MYH3: variants seen among roughly 807,000 people sequenced by gnomAD.
MYH3 encodes the protein myosin heavy chain 3, also known as myosin-3.
In MYH3, 130 loss-of-function variants were observed where a neutral mutation model predicts 238.0. That is an observed-to-expected ratio of 0.55 (90% CI 0.47 to 0.63). MYH3 has a LOEUF of 0.63. Ranked by LOEUF, MYH3 falls within the 30% of genes least tolerant of loss-of-function variation. The probability of loss-of-function intolerance (pLI) is 0.00; values close to 1 mark genes in which losing one functional copy is unlikely to be tolerated. For synonymous variants in MYH3, 880 were observed against 924.1 expected, an observed-to-expected ratio of 0.95 and a Z score of 0.86; for missense variants, 1,853 against 2,374.9, an observed-to-expected ratio of 0.78 and a Z score of 4.57.
chr17:10,647,305 T>C, intron 9 of MYH3, 25 bp from the exon 10 acceptor site: 1 of 1,613,732 alleles, frequency 6.2e-7, no homozygotes, highest in Non-Finnish European at 8.5e-7. Context: ...CAGGACTCTC[T>C]TTCAAACTGT....
chr17:10,657,794 T>C (rs1166123526), upstream of MYH3, among the ~76,000 whole-genome samples: 2 of 152,170 alleles, frequency 1.3e-5, no homozygotes, highest in African/African-American at 2.4e-5. Flanking sequence ...TGGGTTGTGA[T>C]TGCAAAACCT....
At chr17:10,677,148 A>C in the MYH3 span, 1 of 152,190 alleles carries the variant, frequency 6.6e-6, no homozygotes, top group Non-Finnish European at 1.5e-5. Flanking sequence ...TCTACTAAAA[A>C]TACAAAAATT....
Position 10,634,883 on chromosome 17 carries a change from G to C in MYH3, c.4313C>G (p.Ser1438Cys), listed in dbSNP as rs1447420349. ...DLMVDVERAN[S>C]LAAALDKKQR... is the part of the protein sequence containing the mutation. The stretch of plus-strand genomic sequence containing the variant: ...CTTCTTGTCCAGAGCGGCGGCCAAG[G>C]AATTGGCTCTTTCAACATCAACCAT... The change falls in exon 31 of 41, where the codon TCC becomes TGC. Residue 1438 changes from serine (S) to cysteine (C), a missense_variant. By Grantham distance (112) the Ser-to-Cys change is moderately radical. Transcript: ENST00000583535. 9 of 1,613,992 alleles carry C rather than the reference G, an allele frequency of 5.6e-6. No homozygotes were observed. Among genetic ancestry groups the C allele is most frequent in the Non-Finnish European group, 7.6e-6 (9 of 1,180,026 alleles).
intron 39 of MYH3, 31 bp downstream of exon 39, chr17:10,629,811 G>C (rs750723128): frequency 6.2e-7 from 1 of 1,613,898 alleles, no homozygotes; most frequent in East Asian, 2.2e-5. Context: ...AGCACGGTCT[G>C]CCTGCCGCAG....
intron 36 of MYH3, 136 bp downstream of exon 36, chr17:10,631,475 A>G: frequency 7.9e-7 from 1 of 1,273,374 alleles, no homozygotes; most frequent in Non-Finnish European, 1.1e-6. Context: ...GGGGAGTTTG[A>G]GCGGAGATGG....
intron 5 of MYH3, 82 bp from the exon 6 acceptor site, chr17:10,650,483 G>A (rs2074364377): frequency 7.8e-7 from 1 of 1,284,640 alleles, no homozygotes; most frequent in African/African-American, 1.5e-5. Context: ...AGTAGCCAGA[G>A]TTAAATTGCA....
chr17:10,661,289 T>TAAAAA (rs34393718), upstream of MYH3, among the ~76,000 whole-genome samples: 2 of 49,666 alleles, frequency 4.0e-5, no homozygotes, highest in East Asian at 8.1e-4. Flanking sequence ...AGACTCCATC[T>TAAAAA]AAAAAAAAAA....
chr17:10,658,553 A>T (rs201613), upstream of MYH3: 86,360 of 152,158 alleles, frequency 0.57, 26,674 homozygotes, highest in African/African-American at 0.82. Flanking sequence ...TAAGGGTTTG[A>T]ATTCTAGATG....
Position 10,635,574 on chromosome 17 carries a change from TAAA to T in MYH3, c.3976-14_3976-12del, listed in dbSNP as rs1217444390. On this transcript the variant is annotated splice_polypyrimidine_tract_variant and intron_variant, in intron 29 of 40. Coordinates refer to ENST00000583535, the MANE Select transcript of MYH3 (RefSeq NM_002470.4). ...CAGGGCGTTCTTGGCCTGCAGAAGT[TAAA>T]AAGAGAAGAGCACCTGATATATTTA... 1.2e-6 allele frequency: 2 copies of T among 1,614,226 alleles called. No individual in the cohort carries two copies. Among genetic ancestry groups the T allele is most frequent in the Non-Finnish European group, 1.7e-6 (2 of 1,180,044 alleles).
chr17:10,670,826 T>C, the MYH3 span, among the ~76,000 whole-genome samples: 189 of 152,346 alleles, frequency 1.2e-3, 2 homozygotes, highest in East Asian at 0.025. The surrounding 1 kb of genome is among the most constrained non-coding windows in gnomAD (Gnocchi z 7.0). Context: ...TCAATAGCTC[T>C]ATTTTAATGG....
At chr17:10,663,222 C>T in the MYH3 span, among the ~76,000 whole-genome samples, 4 of 152,202 alleles carry the variant, frequency 2.6e-5, no homozygotes, top group Admixed American at 1.3e-4. Context: ...TCTCTGTCTT[C>T]GAGAAGGCGT....
At position 10,635,330 on chromosome 17, in the gene MYH3, C is replaced by T. The variant is rs1294099395; in HGVS notation, c.4172+37G>A. 12 of 1,613,790 alleles carry T rather than the reference C, an allele frequency of 7.4e-6. No individual in the cohort carries two copies. In the East Asian group the frequency reaches 1.6e-4, roughly 21 times the overall value. ...AAAAATAAATTCATCGAATTCATTCCTAAGTAGTTCTTCTAAAAGCAAACA... is the reference window on the plus strand; with the variant it reads ...AAAAATAAATTCATCGAATTCATTCTTAAGTAGTTCTTCTAAAAGCAAACA... On this transcript the variant is annotated intron_variant, in intron 30 of 40. Transcript: ENST00000583535.
chr17:10,645,286 G>A (rs1166757472), intron 12 of MYH3, among the ~76,000 whole-genome samples: 2 of 151,808 alleles, frequency 1.3e-5, no homozygotes, highest in African/African-American at 4.8e-5. Flanking sequence ...AAAAAAGTTA[G>A]CCAGGCGCGG....
Position 10,640,317 on chromosome 17 carries a change from A to T in MYH3, c.2426+16T>A. 1.2e-6 allele frequency: 2 copies of T among 1,614,238 alleles called. No homozygotes were observed. The highest frequency in any genetic ancestry group is 1.7e-6 in the Non-Finnish European group (2 of 1,180,046). ...TTCCCCAAAGAGCTCATGTCTGAAC[A>T]AAGACCCTGCTGGACCTCCTCTGCA... On this transcript the variant is annotated intron_variant, in intron 21 of 40. Coordinates refer to ENST00000583535, the MANE Select transcript of MYH3 (RefSeq NM_002470.4).
chr17:10,667,582 G>A, the MYH3 span, among the ~76,000 whole-genome samples: 1 of 151,794 alleles, frequency 6.6e-6, no homozygotes, highest in Admixed American at 6.6e-5. Context: ...TTGGGATGCT[G>A]AGGCAGGGGA....
At position 10,651,381 on chromosome 17, in the gene MYH3, T is replaced by C. The variant is rs1335173198; in HGVS notation, c.505+131A>G. On this transcript the variant is annotated intron_variant, in intron 5 of 40. Coordinates refer to ENST00000583535, the MANE Select transcript of MYH3 (RefSeq NM_002470.4). ...ACATGATGCAGCCCCTTTCTGCCTC[T>C]TTTGGCTCCTTCTTCCTCCTTTCCC... is the stretch of plus-strand genomic sequence containing the variant. The C allele has an allele frequency of 3.3e-6, 5 of 1,532,366 alleles. No individual in the cohort carries two copies. In the Admixed American group the frequency reaches 8.5e-5, roughly 26 times the overall value. The allele number at this position is 1,532,366 out of a possible 1,614,324, so 94.9% of individuals were successfully genotyped here.
chr17:10,662,211 C>T (rs573300789), upstream of MYH3, among the ~76,000 whole-genome samples: 7 of 151,940 alleles, frequency 4.6e-5, no homozygotes, highest in East Asian at 7.8e-4. Context: ...GAGTAGAGAC[C>T]GGGTTTTCCT....
chr17:10,652,467 C>T lies in MYH3; in HGVS notation c.301G>A (p.Ala101Thr). The T allele has an allele frequency of 6.2e-7, 1 of 1,614,156 alleles. No individual in the cohort carries two copies. Among genetic ancestry groups the T allele is most frequent in the East Asian group, 2.2e-5 (1 of 44,868 alleles). ...MAMLTHLNEPAVLYNLKDRYT... is the reference protein window; with the variant it reads ...MAMLTHLNEPTVLYNLKDRYT... ...CGGTCCTTCAGGTTGTACAGCACGG[C>T]TGGCTCATTCAGGTGCGTCAGCATG... Residue 101 changes from alanine to threonine, a missense_variant, in exon 4 of 41, where the codon GCC becomes ACC. By Grantham distance (58) the Ala-to-Thr change is moderately conservative (BLOSUM62 0). Coordinates refer to ENST00000583535, the MANE Select transcript of MYH3 (RefSeq NM_002470.4).
chr17:10,647,146 T>C (rs1303412081), intron 10 of MYH3, 36 bp downstream of exon 10: 1 of 1,507,652 alleles, frequency 6.6e-7, no homozygotes, highest in Non-Finnish European at 9.2e-7. Flanking sequence ...AGAGTCAAAC[T>C]ACCTAAAAGA....
Sources: gnomAD v4.1 joint callset for allele counts (sites outside exome capture counted in the v4.1 genomes callset) on GRCh38, gnomAD v4.1.1 for gene constraint, Gnocchi (gnomAD v3.1) non-coding constraint, MANE v1.5 for transcripts, NCBI Gene and HGNC (gene_info 2026-07-23, HGNC 2026-07-21) for gene names.